RPGRIP1L: variants seen among roughly 807,000 people sequenced by gnomAD.
The protein encoded by RPGRIP1L is protein fantom.
RPGRIP1L carries 131 observed loss-of-function variants against 160.4 expected under a neutral mutation model. That is an observed-to-expected ratio of 0.82 (90% CI 0.71 to 0.94). The LOEUF is 0.94. Among genes scored for constraint, RPGRIP1L ranks in the 40% least tolerant of loss-of-function variants. The pLI is 0.00. For synonymous variants in RPGRIP1L, 510 were observed against 515.8 expected, an observed-to-expected ratio of 0.99 and a Z score of 0.15; for missense variants, 1,522 against 1,535.8, an observed-to-expected ratio of 0.99 and a Z score of 0.15.
At chr16:53,673,481 A>G (rs1446883855) in intron 7 of RPGRIP1L, among the ~76,000 whole-genome samples, 1 of 150,186 alleles carries the variant, frequency 6.7e-6, no homozygotes, top group Admixed American at 6.6e-5. Context: ...GCATACAATT[A>G]AGTTAAAATT....
chr16:53,653,692 C>A (rs532777689), intron 14 of RPGRIP1L, among the ~76,000 whole-genome samples: 31 of 152,302 alleles, frequency 2.0e-4, no homozygotes, highest in Non-Finnish European at 4.4e-4. Context: ...CTCCTCCTAT[C>A]CTTCTTCTCA....
Position 53,599,449 on chromosome 16 carries a change from T to C in RPGRIP1L, c.*2627A>G, listed in dbSNP as rs956390044. The C allele has an allele frequency of 6.6e-6, 1 of 152,262 alleles. No individual in the cohort carries two copies. Among genetic ancestry groups the C allele is most frequent in the African/African-American group, 2.4e-5 (1 of 41,470 alleles). 9.4% of individuals were successfully genotyped at this position (152,262 alleles called of 1,614,324 possible). On this transcript the variant is annotated 3_prime_UTR_variant, in exon 27 of 27. Coordinates refer to ENST00000647211, the MANE Select transcript of RPGRIP1L (RefSeq NM_015272.5). ...ACAGTGGCTGGGAATTTGACATTTCTACTACAGTAGGCAAAAATACATGTA... is the reference window on the plus strand; with the variant it reads ...ACAGTGGCTGGGAATTTGACATTTCCACTACAGTAGGCAAAAATACATGTA...
intron 21 of RPGRIP1L, 140 bp from the exon 22 acceptor site, chr16:53,636,652 A>G (rs1461563553): frequency 3.5e-6 from 2 of 570,578 alleles, no homozygotes. Flanking sequence ...TTTTAGTAGC[A>G]AATTTGTTTA....
chr16:53,654,130 A>G (rs1264185692), intron 14 of RPGRIP1L, among the ~76,000 whole-genome samples: 1 of 152,150 alleles, frequency 6.6e-6, no homozygotes, highest in Non-Finnish European at 1.5e-5. Context: ...CACTCGGCTA[A>G]TTTTTAAAAT....
chr16:53,620,698 A>G (rs1964653218), intron 23 of RPGRIP1L, among the ~76,000 whole-genome samples: 1 of 152,228 alleles, frequency 6.6e-6, no homozygotes, highest in Non-Finnish European at 1.5e-5. Flanking sequence ...CTCGGTTTCA[A>G]CTAATAACCT....
chr16:53,695,394 G>T, intron 3 of RPGRIP1L: 1 of 702,926 alleles, frequency 1.4e-6, no homozygotes, highest in Non-Finnish European at 2.6e-6. Context: ...ACCTCCTTAG[G>T]ATGGATTCTA....
At chr16:53,656,265 G>A (rs1567845626) in intron 14 of RPGRIP1L, among the ~76,000 whole-genome samples, 1 of 152,046 alleles carries the variant, frequency 6.6e-6, no homozygotes, top group Non-Finnish European at 1.5e-5. Flanking sequence ...TTTGAGATGA[G>A]CCTGGGCAAC....
Position 53,599,386 on chromosome 16 carries a change from T to C in RPGRIP1L, c.*2690A>G, listed in dbSNP as rs573449087. ...AATGTTCTTTACGTAAACCACACTG[T>C]AAACCATAAAACTTATTTTTGTCAA... On this transcript the variant is annotated 3_prime_UTR_variant, in exon 27 of 27. Transcript: ENST00000647211. 5.3e-5 allele frequency: 8 copies of C among 152,358 alleles called. No individual in the cohort carries two copies. Among genetic ancestry groups the C allele is most frequent in the Non-Finnish European group, 1.0e-4 (7 of 68,032 alleles). The allele number at this position is 152,358 out of a possible 1,614,324, so 9.4% of individuals were successfully genotyped here.
chr16:53,627,658 A>G (rs1278258424), intron 22 of RPGRIP1L, among the ~76,000 whole-genome samples: 1 of 152,172 alleles, frequency 6.6e-6, no homozygotes, highest in Non-Finnish European at 1.5e-5. Context: ...TCTATAAACA[A>G]CATACAGTAT....
chr16:53,618,352 A>C (rs910402763), intron 24 of RPGRIP1L, among the ~76,000 whole-genome samples: 1 of 152,240 alleles, frequency 6.6e-6, no homozygotes, highest in East Asian at 1.9e-4. Context: ...TAAATAGAAC[A>C]TTGAAAGCTT....
chr16:53,667,995 T>C (rs540572535), intron 9 of RPGRIP1L, among the ~76,000 whole-genome samples: 1 of 151,948 alleles, frequency 6.6e-6, no homozygotes, highest in East Asian at 1.9e-4. Context: ...GAGGTCGAGA[T>C]TGCAGTGAGC....
chr16:53,661,736 G>A (rs1044280586), intron 10 of RPGRIP1L, among the ~76,000 whole-genome samples: 1 of 152,056 alleles, frequency 6.6e-6, no homozygotes, highest in Non-Finnish European at 1.5e-5. Flanking sequence ...ATGTTATTAG[G>A]TAGAAATAAA....
rs560554148 is a variant in RPGRIP1L at position 53,653,269 on chromosome 16, T to C, written c.1700-282A>G. 76 of 953,442 alleles carry C rather than the reference T, an allele frequency of 8.0e-5. No homozygotes were observed. The African/African-American group carries it at 1.3e-3, about 16-fold the overall frequency. The allele number at this position is 953,442 out of a possible 1,614,324, so 59.1% of individuals were successfully genotyped here. ...ATCAAAAGAAGAAAAGCGCTCTTAA[T>C]GAACAGCTGAGATAACTACCTGGAT... On this transcript the variant is annotated intron_variant, in intron 14 of 26. Coordinates refer to ENST00000647211, the MANE Select transcript of RPGRIP1L (RefSeq NM_015272.5).
Position 53,675,027 on chromosome 16 carries a change from T to G in RPGRIP1L, c.872A>C (p.Gln291Pro). Residue 291 changes from glutamine to proline, a missense_variant, in exon 7 of 27, where the codon CAG becomes CCG. Physicochemically the swap from Gln to Pro is moderately conservative, Grantham distance 76 (BLOSUM62 -1). Transcript: ENST00000647211. ...AAATTATCACTGTACCTCTTGAAGC[T>G]GAATAAATTTTCCTTCCATTGCTGA... ...ALSAMEGKFI[Q>P]LQEKQRTLRI... 1 of 1,593,398 alleles carries G rather than the reference T, an allele frequency of 6.3e-7. No homozygotes were observed. The highest frequency in any genetic ancestry group is 1.1e-5 in the South Asian group (1 of 90,684).
chr16:53,648,659 A>AC (rs1966749282), intron 16 of RPGRIP1L, among the ~76,000 whole-genome samples: 6 of 90,098 alleles, frequency 6.7e-5, no homozygotes, highest in Admixed American at 1.1e-4. Flanking sequence ...CACACACACA[A>AC]AAGTGCATGT....
chr16:53,676,712 A>G (rs1016341539), intron 6 of RPGRIP1L, among the ~76,000 whole-genome samples: 5 of 151,952 alleles, frequency 3.3e-5, no homozygotes, highest in Non-Finnish European at 7.4e-5. Flanking sequence ...CGGCTACTGC[A>G]ACCTCCGCCT....
chr16:53,664,504 A>G (rs932400311), intron 10 of RPGRIP1L, among the ~76,000 whole-genome samples: 1 of 152,178 alleles, frequency 6.6e-6, no homozygotes, highest in African/African-American at 2.4e-5. Flanking sequence ...CATGAGGGAA[A>G]GACTTTTGTT....
chr16:53,609,213 A>T (rs1963875033), intron 25 of RPGRIP1L, among the ~76,000 whole-genome samples: 3 of 152,072 alleles, frequency 2.0e-5, no homozygotes, highest in African/African-American at 7.2e-5. Context: ...CTCAACCTTC[A>T]TAGTAGCTGG....
In RPGRIP1L at chr16:53,605,509, C is replaced by G; in HGVS notation, c.3807G>C (p.Gly1269=). The G allele has an allele frequency of 3.1e-6, 5 of 1,614,150 alleles. No individual in the cohort carries two copies. Among genetic ancestry groups the G allele is most frequent in the Non-Finnish European group, 1.7e-6 (2 of 1,180,034 alleles). Residue 1269 remains glycine, a synonymous_variant, in exon 26 of 27, where the codon GGG becomes GGC. Coordinates refer to ENST00000647211, the MANE Select transcript of RPGRIP1L (RefSeq NM_015272.5). ...HVDLADMFQE[G]RDLIEQNIDV... Reference sequence around the variant, plus strand: ...CGATATTTTGCTCAATGAGGTCCCTCCCTTCCTGAAACATGTCGGCAAGGT... The same window carrying G: ...CGATATTTTGCTCAATGAGGTCCCTGCCTTCCTGAAACATGTCGGCAAGGT...
Sources: gnomAD v4.1 joint callset for allele counts (sites outside exome capture counted in the v4.1 genomes callset) on GRCh38, gnomAD v4.1.1 for gene constraint, MANE v1.5 for transcripts, NCBI Gene and HGNC (gene_info 2026-07-23, HGNC 2026-07-21) for gene names.